TMEM74: variants seen among roughly 807,000 people sequenced by gnomAD.
TMEM74 encodes the protein transmembrane protein 74.
Under a neutral mutation model 18.1 loss-of-function variants are expected in TMEM74, and 13 were observed. That is an observed-to-expected ratio of 0.72 (90% confidence interval 0.47 to 1.14). TMEM74 has a LOEUF of 1.14. Ranked by LOEUF, TMEM74 falls within the 50% of genes most tolerant of loss-of-function variation. The pLI is 0.00. For synonymous variants in TMEM74, 159 were observed against 146.6 expected, an observed-to-expected ratio of 1.08 and a Z score of -0.61; for missense variants, 372 against 375.9, an observed-to-expected ratio of 0.99 and a Z score of 0.09.
At chr8:108,631,052 G>A (rs1812547564) in intron 2 of TMEM74, among the ~76,000 whole-genome samples, 1 of 152,108 alleles carries the variant, frequency 6.6e-6, no homozygotes, top group African/African-American at 2.4e-5. Flanking sequence ...TAGAATGTGG[G>A]AAGAAATTAA....
chr8:108,717,504 T>A (rs1005520320), intron 1 of TMEM74, among the ~76,000 whole-genome samples: 1 of 151,772 alleles, frequency 6.6e-6, no homozygotes, highest in Admixed American at 6.6e-5. Flanking sequence ...AGTGGGAGAG[T>A]CAGATAACCT....
intron 1 of TMEM74, among the ~76,000 whole-genome samples, chr8:108,767,844 G>A (rs955453399): frequency 5.9e-5 from 9 of 151,934 alleles, no homozygotes; most frequent in Non-Finnish European, 1.0e-4. Context: ...TGAAACAGAT[G>A]AGGTATAAAT....
At chr8:108,618,880 C>T (rs774114470) in intron 2 of TMEM74, among the ~76,000 whole-genome samples, 1 of 152,056 alleles carries the variant, frequency 6.6e-6, no homozygotes, top group Non-Finnish European at 1.5e-5. Flanking sequence ...CAAGAGTGAA[C>T]CATCATTGTC....
At chr8:108,772,646 G>A (rs756589388) in intron 1 of TMEM74, among the ~76,000 whole-genome samples, 8 of 152,236 alleles carry the variant, frequency 5.3e-5, no homozygotes, top group Non-Finnish European at 8.8e-5. Context: ...TGGGTGAAAA[G>A]AACTACAGAA....
intron 1 of TMEM74, among the ~76,000 whole-genome samples, chr8:108,679,055 T>G (rs62509385): frequency 6.6e-6 from 1 of 151,696 alleles, no homozygotes; most frequent in Non-Finnish European, 1.5e-5. Flanking sequence ...GTTTCATCCA[T>G]GTCCCTACAA....
chr8:108,752,491 T>C (rs1372295576), intron 1 of TMEM74, among the ~76,000 whole-genome samples: 1 of 152,124 alleles, frequency 6.6e-6, no homozygotes, highest in African/African-American at 2.4e-5. Context: ...GTTCAAAAAC[T>C]TGCTGTCACT....
exon 2 of TMEM74, chr8:108,655,435 T>C (rs1812812092): frequency 6.6e-6 from 1 of 151,590 alleles, no homozygotes; most frequent in Non-Finnish European, 1.5e-5. Context: ...CCAGACCATG[T>C]CTCTGTAAAA....
chr8:108,744,758 C>T (rs1228471139), intron 1 of TMEM74, among the ~76,000 whole-genome samples: 2 of 152,014 alleles, frequency 1.3e-5, no homozygotes, highest in Non-Finnish European at 2.9e-5. Flanking sequence ...AGATTGTAGA[C>T]CTAAAGTTAC....
intron 1 of TMEM74, among the ~76,000 whole-genome samples, chr8:108,673,715 A>G (rs1424644818): frequency 6.6e-6 from 1 of 152,222 alleles, no homozygotes; most frequent in African/African-American, 2.4e-5. Flanking sequence ...AGAAAAGTAG[A>G]GGGGACAAAA....
At chr8:108,710,295 A>C (rs1813461906) in intron 1 of TMEM74, among the ~76,000 whole-genome samples, 1 of 152,258 alleles carries the variant, frequency 6.6e-6, no homozygotes, top group Non-Finnish European at 1.5e-5. Flanking sequence ...GACCATGATT[A>C]GACTGCCAGA....
intron 1 of TMEM74, among the ~76,000 whole-genome samples, chr8:108,773,087 A>G (rs1201106260): frequency 6.6e-6 from 1 of 152,128 alleles, no homozygotes; most frequent in African/African-American, 2.4e-5. Flanking sequence ...CAAATTTGGC[A>G]CTGAAAAGGA....
At chr8:108,673,151 G>A (rs886378413) in intron 1 of TMEM74, among the ~76,000 whole-genome samples, 1 of 152,140 alleles carries the variant, frequency 6.6e-6, no homozygotes, top group Admixed American at 6.6e-5. Flanking sequence ...TAATAGCATG[G>A]CTAACTCCAT....
intron 1 of TMEM74, among the ~76,000 whole-genome samples, chr8:108,706,434 C>A: frequency 6.6e-6 from 1 of 151,826 alleles, no homozygotes; most frequent in East Asian, 1.9e-4. Context: ...ATGCTCTTCC[C>A]TGCATATCTA....
chr8:108,681,432 A>G (rs1249100604), intron 1 of TMEM74, among the ~76,000 whole-genome samples: 4 of 152,364 alleles, frequency 2.6e-5, no homozygotes, highest in Non-Finnish European at 4.4e-5. Flanking sequence ...TTCCCTATTT[A>G]ATAAATGGTG....
chr8:108,726,129 C>A (rs1813636004), intron 1 of TMEM74, among the ~76,000 whole-genome samples: 1 of 152,042 alleles, frequency 6.6e-6, no homozygotes, highest in African/African-American at 2.4e-5. Flanking sequence ...GGGTAAAATC[C>A]CTTTTCTGCT....
At chr8:108,680,663 C>G (rs572067799) in intron 1 of TMEM74, among the ~76,000 whole-genome samples, 1 of 152,124 alleles carries the variant, frequency 6.6e-6, no homozygotes, top group Non-Finnish European at 1.5e-5. Context: ...AAGTTCTGGC[C>G]AGGGCAATTA....
chr8:108,700,297 C>T (rs1813322900), intron 1 of TMEM74, among the ~76,000 whole-genome samples: 1 of 152,108 alleles, frequency 6.6e-6, no homozygotes, highest in African/African-American at 2.4e-5. Flanking sequence ...GGTTATTCCA[C>T]ACTTAGAAGG....
In TMEM74 at chr8:108,781,924, CCAAA is replaced by C. The variant is rs1222160974; in HGVS notation, c.*2253_*2256del. Among the ~76,000 whole-genome samples, 1 of 152,130 alleles carries C rather than the reference CCAAA, an allele frequency of 6.6e-6. No homozygotes were observed. The highest frequency in any genetic ancestry group is 1.5e-5 in the Non-Finnish European group (1 of 68,026). On this transcript the variant is annotated 3_prime_UTR_variant, in exon 2 of 2. Transcript: ENST00000297459. ...GAAAAGACCTCCTAACACTTGATTC[CCAAA>C]CTCCTCTTCCTTCATAAACTGAAAA...
intron 1 of TMEM74, among the ~76,000 whole-genome samples, chr8:108,671,145 T>C (rs1401546456): frequency 6.6e-6 from 1 of 152,178 alleles, no homozygotes; most frequent in African/African-American, 2.4e-5. Flanking sequence ...ACCTAAACTA[T>C]AGGTAGGGAC....
Sources: allele counts gnomAD v4.1 joint callset (sites outside exome capture counted in the v4.1 genomes callset), GRCh38; gene constraint gnomAD v4.1.1; transcripts MANE v1.5; gene names NCBI Gene and HGNC (gene_info 2026-07-23, HGNC 2026-07-21).